The following PUM1 variants were observed in gnomAD, a reference collection of about 807,000 sequenced individuals.
PUM1 encodes the protein pumilio homolog 1.
In PUM1, 13 loss-of-function variants were observed where a neutral mutation model predicts 131.8. The observed-to-expected ratio is 0.10, with a 90% CI of 0.06 to 0.16. The LOEUF (loss-of-function observed/expected upper bound fraction) is 0.16. Ranked by LOEUF, PUM1 falls within the 10% of genes least tolerant of loss-of-function variation. PUM1 has a pLI of 1.00. For synonymous variants in PUM1, 509 were observed against 556.5 expected (o/e 0.91, Z 1.20); for missense variants, 961 against 1,512.4 (o/e 0.64, Z 6.05).
In PUM1 at chr1:30,952,337, G is replaced by A; in HGVS notation, c.2618C>T (p.Ala873Val). Residue 873 changes from alanine (A) to valine (V), a missense_variant, in exon 16 of 22, where the codon GCC becomes GTC. Transcript: ENST00000426105. ...GACAAGCTGGCGCTCAGCTGGTGTG[G>A]CACGCTCCAGTTTCAGCTGAATGAA... is the stretch of plus-strand genomic sequence containing the variant. ...SRFIQLKLER[A>V]TPAERQLVFN... is the part of the protein sequence containing the mutation. The A allele has an allele frequency of 1.9e-6, 3 of 1,613,292 alleles. No individual in the cohort carries two copies. The South Asian group carries it at 3.3e-5, about 18-fold the overall frequency.
At chr1:31,038,984 A>ATATATATATATATATATATATTTTT in intron 2 of PUM1, among the ~76,000 whole-genome samples, 1 of 49,414 alleles carries the variant, frequency 2.0e-5, no homozygotes, top group Non-Finnish European at 3.1e-5. Context: ...ATATATATAT[A>ATATATATATATATATATATATTTTT]TTTTTTTTTT....
chr1:31,013,852 G>A (rs542187930), intron 3 of PUM1, among the ~76,000 whole-genome samples: 13 of 152,308 alleles, frequency 8.5e-5, no homozygotes, highest in African/African-American at 3.1e-4. Context: ...AGTATATGAA[G>A]TGCTTTTATA....
chr1:31,059,921 A>T (rs1168032230), intron 1 of PUM1, among the ~76,000 whole-genome samples: 1 of 151,326 alleles, frequency 6.6e-6, no homozygotes, highest in Non-Finnish European at 1.5e-5. Flanking sequence ...ATCTCGGCTC[A>T]CTACAGCCTC....
At chr1:30,967,000 A>G in intron 12 of PUM1, 167 bp downstream of exon 12, 2 of 702,710 alleles carry the variant, frequency 2.8e-6, no homozygotes, top group South Asian at 5.7e-5. Flanking sequence ...AACAAAAAGG[A>G]GAATCCACTA....
At position 30,933,183 on chromosome 1, in the gene PUM1, G is replaced by T. The variant is rs746201825; in HGVS notation, c.*28C>A. 3.1e-6 allele frequency: 5 copies of T among 1,597,552 alleles called. No individual in the cohort carries two copies. Among genetic ancestry groups the T allele is most frequent in the Middle Eastern group, 1.7e-4 (1 of 5,996 alleles). On this transcript the variant is annotated 3_prime_UTR_variant, in exon 22 of 22. Coordinates refer to ENST00000426105, the MANE Select transcript of PUM1 (RefSeq NM_001020658.2). The stretch of plus-strand genomic sequence containing the variant: ...GCCAGTGGGCCAGTGAGGTCAGCGG[G>T]AATGAGGGAACAGCGGGTGACACTG...
At chr1:30,975,156 G>A (rs1413977720) in intron 9 of PUM1, among the ~76,000 whole-genome samples, 5 of 152,280 alleles carry the variant, frequency 3.3e-5, no homozygotes, top group East Asian at 3.9e-4. Flanking sequence ...GGGTTTGCGT[G>A]CTTAAAGTGA....
At chr1:31,003,964 C>T (rs1296353908) in intron 5 of PUM1, among the ~76,000 whole-genome samples, 1 of 152,120 alleles carries the variant, frequency 6.6e-6, no homozygotes, top group East Asian at 1.9e-4. Flanking sequence ...GGAGAATTTT[C>T]ATTTATCTTC....
intron 17 of PUM1, among the ~76,000 whole-genome samples, chr1:30,947,394 G>A (rs1458781987): frequency 6.6e-6 from 1 of 152,218 alleles, no homozygotes; most frequent in Non-Finnish European, 1.5e-5. Flanking sequence ...CACAGTGACT[G>A]CAGAGTCAGC....
intron 13 of PUM1, 134 bp from the exon 14 acceptor site, chr1:30,965,044 A>C: frequency 1.5e-6 from 1 of 676,118 alleles, no homozygotes; most frequent in Non-Finnish European, 2.6e-6. Context: ...CCTAACTGTT[A>C]ATGTAGCAGT....
rs137959283 is a variant in PUM1 at position 30,970,247 on chromosome 1, T to TAA, written c.1507-1757_1507-1756dup. Among the ~76,000 whole-genome samples, 9 of 149,852 alleles carry TAA rather than the reference T, an allele frequency of 6.0e-5. No homozygotes were observed. In the East Asian group the frequency reaches 7.8e-4, roughly 13 times the overall value. ...TACAAATTATTCTTGGTACCAGTGG[T>TAA]AAAAAAAAAATGTAAAAAGAGAAGC... On this transcript the variant is annotated intron_variant, in intron 10 of 21. Transcript: ENST00000426105.
intron 2 of PUM1, among the ~76,000 whole-genome samples, chr1:31,043,917 T>C (rs538325979): frequency 6.6e-6 from 1 of 152,152 alleles, no homozygotes; most frequent in Non-Finnish European, 1.5e-5. Flanking sequence ...TTTGTTATTT[T>C]TGTACCTATA....
chr1:30,979,357 C>A (rs1641266767), intron 9 of PUM1, among the ~76,000 whole-genome samples: 1 of 152,094 alleles, frequency 6.6e-6, no homozygotes, highest in African/African-American at 2.4e-5. Context: ...TAGCCAATGG[C>A]AGTCAACTAG....
At chr1:31,028,356 T>C (rs1339959049) in intron 3 of PUM1, among the ~76,000 whole-genome samples, 1 of 129,346 alleles carries the variant, frequency 7.7e-6, no homozygotes, top group African/African-American at 2.9e-5. Flanking sequence ...AAGGCACTAC[T>C]CTAAAAATAG....
intron 1 of PUM1, among the ~76,000 whole-genome samples, chr1:31,062,883 A>C (rs546815243): frequency 7.3e-4 from 111 of 152,338 alleles, no homozygotes; most frequent in African/African-American, 2.6e-3. Flanking sequence ...CAGCCTAAGA[A>C]GACACAATGG....
intron 3 of PUM1, among the ~76,000 whole-genome samples, chr1:31,015,925 G>A (rs1047338061): frequency 9.9e-5 from 15 of 152,068 alleles, no homozygotes; most frequent in Admixed American, 3.3e-4. Context: ...CACCCGCCTC[G>A]GCCTCCCAAC....
At chr1:31,001,529 T>C (rs1391007537) in intron 5 of PUM1, among the ~76,000 whole-genome samples, 1 of 152,250 alleles carries the variant, frequency 6.6e-6, no homozygotes, top group South Asian at 2.1e-4. Flanking sequence ...AGCTAAAAAT[T>C]GAAATTAGAA....
intron 7 of PUM1, among the ~76,000 whole-genome samples, 176 bp downstream of exon 7, chr1:30,992,214 A>T (rs1402189051): frequency 6.6e-6 from 1 of 152,188 alleles, no homozygotes; most frequent in Non-Finnish European, 1.5e-5. Flanking sequence ...ACCTCAGCAT[A>T]GGGACCAGCT....
chr1:31,013,697 C>G (rs920080696), intron 3 of PUM1, among the ~76,000 whole-genome samples: 2 of 152,150 alleles, frequency 1.3e-5, no homozygotes, highest in African/African-American at 4.8e-5. Flanking sequence ...GAGAAAGGAC[C>G]TTTCAGAACT....
chr1:31,031,229 T>A (rs1197363042), intron 2 of PUM1, among the ~76,000 whole-genome samples: 1 of 152,200 alleles, frequency 6.6e-6, no homozygotes, highest in African/African-American at 2.4e-5. Flanking sequence ...TGCACAAAGC[T>A]CTGTATCTAG....
Sources: gnomAD v4.1 joint callset for allele counts (sites outside exome capture counted in the v4.1 genomes callset) on GRCh38, gnomAD v4.1.1 for gene constraint, MANE v1.5 for transcripts, NCBI Gene and HGNC (gene_info 2026-07-23, HGNC 2026-07-21) for gene names.